Variants in VAPA observed in about 807,000 individuals in gnomAD.
The protein encoded by VAPA is VAMP associated protein A.
In VAPA, 6 loss-of-function variants were observed where a neutral mutation model predicts 25.6. The ratio of observed to expected loss-of-function variants is 0.23; its 90% confidence interval spans 0.13 to 0.46. The LOEUF is 0.46. VAPA is among the 20% of genes least tolerant of loss of function. The pLI, the probability that VAPA is intolerant of heterozygous loss-of-function variation, is 0.99. For missense variants in VAPA, 244 were observed against 302.1 expected, an observed-to-expected ratio of 0.81 and a Z score of 1.43; for synonymous variants, 112 against 106.2, an observed-to-expected ratio of 1.05 and a Z score of -0.34.
chr18:9,950,516 A>G lies in VAPA; in HGVS notation c.539A>G (p.Lys180Arg). 3 of 1,613,852 alleles carry G rather than the reference A, an allele frequency of 1.9e-6. No homozygotes were observed. Among genetic ancestry groups the G allele is most frequent in the South Asian group, 1.1e-5 (1 of 90,914 alleles). ...TETRKLMEEC[K>R]RLQGEMMKLS... ...ACAAGGAAACTAATGGAAGAGTGTA[A>G]AAGACTTCAGGGAGAAATGATGAAG... is the stretch of plus-strand genomic sequence containing the variant. Residue 180 changes from lysine (K) to arginine (R), a missense_variant, in exon 5 of 6, where the codon AAA becomes AGA. Lys to Arg is a conservative substitution (Grantham distance 26). This residue lies in a region of VAPA where 145 missense variants were observed against 140.6 expected (regional missense o/e 1.03). Coordinates refer to ENST00000400000, the MANE Select transcript of VAPA (RefSeq NM_194434.3).
At chr18:9,933,346 C>G (rs1230652008) in intron 2 of VAPA, among the ~76,000 whole-genome samples, 5 of 152,034 alleles carry the variant, frequency 3.3e-5, no homozygotes, top group Non-Finnish European at 1.5e-5. Flanking sequence ...ACCTCAAGAG[C>G]TAGGAAAAAG....
chr18:9,960,011 T>C lies in VAPA; in HGVS notation c.*5800T>C, dbSNP rs2069590452. ...ATACAAACGAGAATCAAAATAAAGT[T>C]TTGCAAAGTATTTCTTTGGGTGCTT... On this transcript the variant is annotated 3_prime_UTR_variant, in exon 6 of 6. Transcript: ENST00000400000. 6.6e-6 allele frequency: 1 copy of C among 152,182 alleles called. No individual in the cohort carries two copies. The highest frequency in any genetic ancestry group is 2.4e-5 in the African/African-American group (1 of 41,448). The allele number at this position is 152,182 out of a possible 1,614,324, so 9.4% of individuals were successfully genotyped here.
intron 2 of VAPA, 28 bp from the exon 3 acceptor site, chr18:9,936,078 ACAAT>A (rs985953123): frequency 1.6e-5 from 23 of 1,466,150 alleles, no homozygotes; most frequent in Non-Finnish European, 2.0e-5. Context: ...CATGCAGGAG[ACAAT>A]ATAATATATC....
At chr18:9,924,075 G>A (rs1018315569) in intron 1 of VAPA, 1 of 151,936 alleles carries the variant, frequency 6.6e-6, no homozygotes, top group African/African-American at 2.4e-5. Flanking sequence ...ACTTTTTATA[G>A]CTATGCTGTG....
chr18:9,926,836 T>G (rs911145606), intron 1 of VAPA, among the ~76,000 whole-genome samples: 7 of 152,114 alleles, frequency 4.6e-5, no homozygotes, highest in Non-Finnish European at 1.0e-4. Flanking sequence ...AATACATTCT[T>G]GAAAAGATAG....
At chr18:9,949,540 A>C (rs1029987894) in intron 4 of VAPA, 1 of 152,208 alleles carries the variant, frequency 6.6e-6, no homozygotes, top group African/African-American at 2.4e-5. Flanking sequence ...TTGATTTAGT[A>C]AATGTCTTTT....
intron 1 of VAPA, among the ~76,000 whole-genome samples, chr18:9,929,681 A>G (rs192574377): frequency 1.3e-5 from 2 of 152,272 alleles, no homozygotes; most frequent in East Asian, 3.9e-4. Context: ...GCTAATGGTC[A>G]TCAGTACTTG....
At chr18:9,946,690 T>A (rs1344643825) in intron 4 of VAPA, among the ~76,000 whole-genome samples, 1 of 151,820 alleles carries the variant, frequency 6.6e-6, no homozygotes, top group Non-Finnish European at 1.5e-5. Context: ...GAACTGGAAG[T>A]TGTTTTGGGT....
rs924074875 is a variant in VAPA, at chr18:9,959,854, G to T, written c.*5643G>T. On this transcript the variant is annotated 3_prime_UTR_variant, in exon 6 of 6. Transcript: ENST00000400000. ...GTTTGTTAGGAATTACAGTTGTGGG[G>T]AGCAAACTTTCTTTTTTGTGCTGTT... is the stretch of plus-strand genomic sequence containing the variant. 1 of 151,980 alleles carries T rather than the reference G, an allele frequency of 6.6e-6. No homozygotes were observed. Among genetic ancestry groups the T allele is most frequent in the African/African-American group, 2.4e-5 (1 of 41,378 alleles). The allele number at this position is 151,980 out of a possible 1,614,324, so 9.4% of individuals were successfully genotyped here.
At chr18:9,918,973 T>C (rs2143282312) in intron 1 of VAPA, among the ~76,000 whole-genome samples, 1 of 152,332 alleles carries the variant, frequency 6.6e-6, no homozygotes, top group East Asian at 1.9e-4. Flanking sequence ...CGTTCTTGGC[T>C]CACTGCAGCC....
rs1045223580 is a variant in VAPA at position 9,956,588 on chromosome 18, G to A, written c.*2377G>A. ...ATCAGGAGATGCTCTGATTGTATAG[G>A]TGAGACTCTGTTTCTGTTATTTTTA... On this transcript the variant is annotated 3_prime_UTR_variant, in exon 6 of 6. Coordinates refer to ENST00000400000, the MANE Select transcript of VAPA (RefSeq NM_194434.3). 1 of 152,712 alleles carries A rather than the reference G, an allele frequency of 6.5e-6. No homozygotes were observed. The highest frequency in any genetic ancestry group is 2.1e-4 in the South Asian group (1 of 4,832). The allele number at this position is 152,712 out of a possible 1,614,324, so 9.5% of individuals were successfully genotyped here.
In VAPA at chr18:9,936,969, G is replaced by A. The variant is rs2069317663; in HGVS notation, c.337-17G>A. Reference sequence around the variant, plus strand: ...TCATACCTCCTATGTCTCATGTTTGGTTTTGTTTATTTTTAGTGGAAAGAG... The same window carrying A: ...TCATACCTCCTATGTCTCATGTTTGATTTTGTTTATTTTTAGTGGAAAGAG... On this transcript the variant is annotated splice_polypyrimidine_tract_variant and intron_variant, in intron 3 of 5. Coordinates refer to ENST00000400000, the MANE Select transcript of VAPA (RefSeq NM_194434.3). 6.2e-7 allele frequency: 1 copy of A among 1,611,172 alleles called. No homozygotes were observed. The highest frequency in any genetic ancestry group is 1.1e-5 in the South Asian group (1 of 90,944).
At position 9,959,271 on chromosome 18, in the gene VAPA, C is replaced by T. The variant is rs1255774270; in HGVS notation, c.*5060C>T. ...CAATTTTGTGATGCCTTTGATTCCA[C>T]TTTACATGGAGTACTATTATTTGTG... On this transcript the variant is annotated 3_prime_UTR_variant, in exon 6 of 6. Transcript: ENST00000400000. 6 of 152,156 alleles carry T rather than the reference C, an allele frequency of 3.9e-5. No individual in the cohort carries two copies. The highest frequency in any genetic ancestry group is 8.8e-5 in the Non-Finnish European group (6 of 68,026). 9.4% of individuals were successfully genotyped at this position (152,156 alleles called of 1,614,324 possible).
intron 4 of VAPA, chr18:9,944,900 A>T (rs1253841658): frequency 6.2e-7 from 1 of 1,612,210 alleles, no homozygotes; most frequent in East Asian, 2.2e-5. Flanking sequence ...AGAATCTGAG[A>T]ATATGTTTCC....
At position 9,954,354 on chromosome 18, in the gene VAPA, G is replaced by A. The variant is rs1216171983; in HGVS notation, c.*143G>A. The A allele has an allele frequency of 1.4e-6, 1 of 694,356 alleles. No homozygotes were observed. The highest frequency in any genetic ancestry group is 2.9e-5 in the Admixed American group (1 of 34,732). The allele number at this position is 694,356 out of a possible 1,614,324, so 43.0% of individuals were successfully genotyped here. A position where few individuals can be genotyped will look rare whatever the true frequency, so the allele number is the denominator to read the frequency against. On this transcript the variant is annotated 3_prime_UTR_variant, in exon 6 of 6. Coordinates refer to ENST00000400000, the MANE Select transcript of VAPA (RefSeq NM_194434.3). Reference sequence around the variant, plus strand: ...GCGTCATATAGGCTTTGCCTTTAATGATCTCTTACGGTTAGAAAACACAAT... The same window carrying A: ...GCGTCATATAGGCTTTGCCTTTAATAATCTCTTACGGTTAGAAAACACAAT...
At chr18:9,951,199 A>G (rs964165842) in intron 5 of VAPA, 2 of 152,344 alleles carry the variant, frequency 1.3e-5, no homozygotes, top group African/African-American at 4.8e-5. Context: ...GGGCTGGAGT[A>G]TGCTGGAGAA....
chr18:9,921,067 G>C (rs2069153093), intron 1 of VAPA, among the ~76,000 whole-genome samples: 1 of 152,216 alleles, frequency 6.6e-6, no homozygotes, highest in South Asian at 2.1e-4. Context: ...TGAACTCTGA[G>C]TATATACCTG....
Position 9,914,210 on chromosome 18 carries a change from A to T in VAPA, c.-47A>T. 3.3e-6 allele frequency: 5 copies of T among 1,533,016 alleles called. No individual in the cohort carries two copies. The highest frequency in any genetic ancestry group is 4.4e-6 in the Non-Finnish European group (5 of 1,136,536). 95.0% of individuals were successfully genotyped at this position (1,533,016 alleles called of 1,614,324 possible). ...CCGCCGTCGTCCCCCGCCCCCAGTC[A>T]GCAAACCGCCGCCGCGGGCGCGCCC... is the stretch of plus-strand genomic sequence containing the variant. On this transcript the variant is annotated 5_prime_UTR_variant, in exon 1 of 6. Coordinates refer to ENST00000400000, the MANE Select transcript of VAPA (RefSeq NM_194434.3).
intron 1 of VAPA, among the ~76,000 whole-genome samples, chr18:9,930,662 C>G (rs1193590528): frequency 6.6e-6 from 1 of 151,276 alleles, no homozygotes; most frequent in African/African-American, 2.4e-5. Context: ...ACAAGCAGTT[C>G]AGAAGATCAT....
Sources: gnomAD v4.1 joint callset for allele counts (sites outside exome capture counted in the v4.1 genomes callset) on GRCh38, gnomAD v4.1.1 for gene constraint, gnomAD v4.1.1 regional missense constraint, MANE v1.5 for transcripts, NCBI Gene and HGNC (gene_info 2026-07-23, HGNC 2026-07-21) for gene names.